LYZL6: variants seen among roughly 807,000 people sequenced by gnomAD.
LYZL6 encodes lysozyme like 6.
In LYZL6, 21 loss-of-function variants were observed where a neutral mutation model predicts 15.0. That is an observed-to-expected ratio of 1.40 (90% CI 1.00 to 2.02). The LOEUF (loss-of-function observed/expected upper bound fraction) is 2.02, where lower values mean the gene tolerates loss of function less well. Among genes scored for constraint, LYZL6 ranks in the 30% most tolerant of loss-of-function variants. The pLI is 0.00. For missense variants in LYZL6, 173 were observed against 180.5 expected (o/e 0.96, Z 0.24); for synonymous variants, 72 against 67.8 (o/e 1.06, Z -0.31).
rs1381466650 is a variant in LYZL6, at chr17:35,934,854, C to T, written c.389G>A (p.Arg130Lys). Residue 130 changes from arginine to lysine, a missense_variant, in exon 5 of 5, where the codon AGG becomes AAG. By Grantham distance (26) the Arg-to-Lys change is conservative. Transcript: ENST00000615905. Reference sequence around the variant, plus strand: ...GAGTGGCCGGCCTGAACAGTGCAACCTCCATTCTACCCTGCGGAGAAAAAA... The same window carrying T: ...GAGTGGCCGGCCTGAACAGTGCAACTTCCATTCTACCCTGCGGAGAAAAAA... ...ARGMNNWVEW[R>K]LHCSGRPLFY... 8.7e-6 allele frequency: 14 copies of T among 1,614,188 alleles called. No individual in the cohort carries two copies. Among genetic ancestry groups the T allele is most frequent in the South Asian group, 3.3e-5 (3 of 91,084 alleles).
chr17:35,941,880 G>A (rs997964267), intron 1 of LYZL6, among the ~76,000 whole-genome samples: 5 of 152,148 alleles, frequency 3.3e-5, no homozygotes, highest in African/African-American at 1.2e-4. Context: ...ATCTTATAGG[G>A]TCTCCCCACA....
rs368056415 is a variant in LYZL6, at chr17:35,934,783, C to T, written c.*13G>A. 11 of 1,613,040 alleles carry T rather than the reference C, an allele frequency of 6.8e-6. No individual in the cohort carries two copies. The highest frequency in any genetic ancestry group is 3.3e-4 in the Middle Eastern group (2 of 6,058). ...AGTCTTGGAATGACTCCACGGTGCA[C>T]CCGCACCCTGTTTCATCTCAGGCGG... is the stretch of plus-strand genomic sequence containing the variant. On this transcript the variant is annotated 3_prime_UTR_variant, in exon 5 of 5. Coordinates refer to ENST00000615905, the MANE Select transcript of LYZL6 (RefSeq NM_020426.4).
intron 1 of LYZL6, among the ~76,000 whole-genome samples, chr17:35,943,135 C>A (rs551987125): frequency 6.6e-6 from 1 of 152,250 alleles, no homozygotes; most frequent in South Asian, 2.1e-4. Context: ...GAGAGCTGTT[C>A]TTTCCTTTTG....
Position 35,943,184 on chromosome 17 carries a change from GT to G in LYZL6, c.-203+382del, listed in dbSNP as rs2089436631. Among the ~76,000 whole-genome samples the G allele has an allele frequency of 2.6e-5, 4 of 152,148 alleles. No homozygotes were observed. In the South Asian group the frequency reaches 8.3e-4, roughly 32 times the overall value. On this transcript the variant is annotated intron_variant, in intron 1 of 4. Transcript: ENST00000615905. ...TGCTCCAAACTCACTCTGTGTGCGT[GT>G]GTGTCTGCGACCTCGATCTCCTTAA...
chr17:35,934,624 A>C lies in LYZL6; in HGVS notation c.*172T>G. On this transcript the variant is annotated 3_prime_UTR_variant, in exon 5 of 5. Coordinates refer to ENST00000615905, the MANE Select transcript of LYZL6 (RefSeq NM_020426.4). Reference sequence around the variant, plus strand: ...AACCAGGGGACTGGGTCCAGATGGGAGTAAGGAGGAAGCCAAGAAAACCAT... The same window carrying C: ...AACCAGGGGACTGGGTCCAGATGGGCGTAAGGAGGAAGCCAAGAAAACCAT... 1.7e-6 allele frequency: 1 copy of C among 599,980 alleles called. No individual in the cohort carries two copies. The highest frequency in any genetic ancestry group is 2.9e-6 in the Non-Finnish European group (1 of 341,850). The allele number at this position is 599,980 out of a possible 1,614,324, so 37.2% of individuals were successfully genotyped here. A position where few individuals can be genotyped will look rare whatever the true frequency, so the allele number is the denominator to read the frequency against.
rs931050342 is a variant in LYZL6, at chr17:35,934,528, G to A, written c.*268C>T. 1 of 457,202 alleles carries A rather than the reference G, an allele frequency of 2.2e-6. No individual in the cohort carries two copies. The allele number at this position is 457,202 out of a possible 1,614,324, so 28.3% of individuals were successfully genotyped here. On this transcript the variant is annotated 3_prime_UTR_variant, in exon 5 of 5. Coordinates refer to ENST00000615905, the MANE Select transcript of LYZL6 (RefSeq NM_020426.4). Reference sequence around the variant, plus strand: ...TAAATGGACACAGTCTTTGCAGAGCGAGTGCTTTAATATTTCGATAAATAT... The same window carrying A: ...TAAATGGACACAGTCTTTGCAGAGCAAGTGCTTTAATATTTCGATAAATAT...
At chr17:35,935,599 C>T (rs1471924760) in intron 4 of LYZL6, among the ~76,000 whole-genome samples, 2 of 151,842 alleles carry the variant, frequency 1.3e-5, no homozygotes, top group Non-Finnish European at 1.5e-5. Flanking sequence ...CAGAGAGATC[C>T]CGGCCCACAG....
intron 1 of LYZL6, among the ~76,000 whole-genome samples, chr17:35,941,738 G>A (rs2089426090): frequency 6.6e-6 from 1 of 152,182 alleles, no homozygotes; most frequent in African/African-American, 2.4e-5. Flanking sequence ...CAACCGATAA[G>A]TGTGGAGGAA....
rs2089390250 is a variant in LYZL6, at chr17:35,937,912, C to T, written c.144G>A (p.Leu48=). ...ACTTGCTTTCCACAAAAGCCAGGCA[C>T]AGCCCTTAGAGTAGGGAGAAGAAGG... ...GFEGYSLSDW[L]CLAFVESKFN... is the part of the protein sequence containing the mutation. Residue 48 remains leucine, a synonymous_variant, in exon 3 of 5, where the codon CTG becomes CTA. Coordinates refer to ENST00000615905, the MANE Select transcript of LYZL6 (RefSeq NM_020426.4). The T allele has an allele frequency of 1.9e-6, 3 of 1,613,354 alleles. No homozygotes were observed. The highest frequency in any genetic ancestry group is 3.3e-5 in the Admixed American group (2 of 60,004).
intron 4 of LYZL6, among the ~76,000 whole-genome samples, chr17:35,936,352 A>G (rs1203653500): frequency 6.6e-6 from 1 of 152,168 alleles, no homozygotes; most frequent in Non-Finnish European, 1.5e-5. Context: ...TTTGTCCTTT[A>G]GACTGTGGAG....
chr17:35,934,720 T>C lies in LYZL6; in HGVS notation c.*76A>G, dbSNP rs2089354291. 14 of 1,326,148 alleles carry C rather than the reference T, an allele frequency of 1.1e-5. No homozygotes were observed. In the South Asian group the frequency reaches 1.7e-4, roughly 16 times the overall value. 82.1% of individuals were successfully genotyped at this position (1,326,148 alleles called of 1,614,324 possible). A position where few individuals can be genotyped will look rare whatever the true frequency, so the allele number is the denominator to read the frequency against. ...AGAAAATAACATGAAGTGGAGGCAG[T>C]AGGAAGAAGAAATGAAGAATCCCTG... On this transcript the variant is annotated 3_prime_UTR_variant, in exon 5 of 5. Transcript: ENST00000615905.
At position 35,939,266 on chromosome 17, in the gene LYZL6, G is replaced by A. The variant is rs1295274368; in HGVS notation, c.91C>T (p.Leu31=). The change falls in exon 2 of 5, where the codon CTG becomes TTG. Residue 31 remains leucine (L), a synonymous_variant. Coordinates refer to ENST00000615905, the MANE Select transcript of LYZL6 (RefSeq NM_020426.4). ...AACCCATCCAAGTCCTCCAGCTGCA[G>A]CACCTGGGCCAAGTCACAGCGACTG... is the stretch of plus-strand genomic sequence containing the variant. ...LISRCDLAQV[L]QLEDLDGFEG... The A allele has an allele frequency of 1.9e-6, 3 of 1,614,216 alleles. No homozygotes were observed. Among genetic ancestry groups the A allele is most frequent in the South Asian group, 1.1e-5 (1 of 91,080 alleles).
intron 4 of LYZL6, 80 bp downstream of exon 4, chr17:35,936,675 G>T: frequency 8.0e-7 from 1 of 1,247,780 alleles, no homozygotes; most frequent in Non-Finnish European, 1.2e-6. Flanking sequence ...GTGCCCGTGA[G>T]TCCTTGCCTA....
Position 35,936,773 on chromosome 17 carries a change from GCTCC to G in LYZL6, c.355_358del (p.Gly119HisfsTer4). 6.2e-7 allele frequency: 1 copy of G among 1,613,680 alleles called. No individual in the cohort carries two copies. The highest frequency in any genetic ancestry group is 8.5e-7 in the Non-Finnish European group (1 of 1,179,988). On this transcript the variant is annotated frameshift_variant, in exon 4 of 5. Transcript: ENST00000615905. LOFTEE classifies it high-confidence loss of function. The stretch of plus-strand genomic sequence containing the variant: ...TCCTCACCAGTTGTTCATCCCCCGT[GCTCC>G]GGACACAATCCTTTTTGCGCAGTGG...
At chr17:35,937,672 T>C (rs2089386314) in intron 3 of LYZL6, 86 bp downstream of exon 3, 2 of 1,464,004 alleles carry the variant, frequency 1.4e-6, no homozygotes, top group Admixed American at 2.0e-5. Flanking sequence ...CTGGGGCCAT[T>C]CCCAGGCTGT....
chr17:35,938,302 C>A (rs1160272085), intron 2 of LYZL6, among the ~76,000 whole-genome samples: 1 of 152,058 alleles, frequency 6.6e-6, no homozygotes, highest in African/African-American at 2.4e-5. Flanking sequence ...CTTGTATGTA[C>A]AAGCTTAAAA....
Position 35,937,859 on chromosome 17 carries a change from G to A in LYZL6, c.197C>T (p.Ala66Val), listed in dbSNP as rs780416398. The part of the protein sequence containing the change: ...KFNISKINEN[A>V]DGSFDYGLFQ... The stretch of plus-strand genomic sequence containing the variant: ...GAGGCCATAGTCAAAGCTTCCGTCT[G>A]CATTTTCATTTATCTTTGATATGTT... Residue 66 changes from alanine (A) to valine (V), a missense_variant, in exon 3 of 5, where the codon GCA becomes GTA. By Grantham distance (64) the Ala-to-Val change is moderately conservative (BLOSUM62 0). Coordinates refer to ENST00000615905, the MANE Select transcript of LYZL6 (RefSeq NM_020426.4). 5.7e-5 allele frequency: 92 copies of A among 1,613,920 alleles called. No homozygotes were observed. Among genetic ancestry groups the A allele is most frequent in the Admixed American group, 1.7e-4 (10 of 59,994 alleles).
chr17:35,941,435 GTTGCCTTTC>G (rs1260046403), intron 1 of LYZL6, among the ~76,000 whole-genome samples: 1 of 151,938 alleles, frequency 6.6e-6, no homozygotes, highest in African/African-American at 2.4e-5. Context: ...CATTCTGTGG[GTTGCCTTTC>G]ACTTTCTTGG....
chr17:35,942,655 C>T (rs2089432449), intron 1 of LYZL6, among the ~76,000 whole-genome samples: 1 of 152,180 alleles, frequency 6.6e-6, no homozygotes, highest in Non-Finnish European at 1.5e-5. Context: ...TAACAACAAC[C>T]AGCCTGAAAG....
Sources: allele counts gnomAD v4.1 joint callset (sites outside exome capture counted in the v4.1 genomes callset), GRCh38; gene constraint gnomAD v4.1.1; transcripts MANE v1.5; gene names NCBI Gene and HGNC (gene_info 2026-07-23, HGNC 2026-07-21).